The following AUTS2 variants were observed in gnomAD, a reference collection of about 807,000 sequenced individuals.
AUTS2 encodes activator of transcription and developmental regulator AUTS2.
AUTS2 carries 17 observed loss-of-function variants against 112.4 expected under a neutral mutation model. That is an observed-to-expected ratio of 0.15 (90% CI 0.10 to 0.23). The LOEUF (loss-of-function observed/expected upper bound fraction) is 0.23. Ranked by LOEUF, AUTS2 falls within the 10% of genes least tolerant of loss-of-function variation. AUTS2 has a pLI of 1.00. For synonymous variants in AUTS2, 751 were observed against 702.7 expected (o/e 1.07, Z -1.09); for missense variants, 1,510 against 1,701.6 (o/e 0.89, Z 1.98).
intron 4 of AUTS2, among the ~76,000 whole-genome samples, chr7:70,305,268 G>T (rs1409048293): frequency 6.6e-6 from 1 of 151,976 alleles, no homozygotes; most frequent in Non-Finnish European, 1.5e-5. Context: ...AGAGTGTTTT[G>T]TAGGCTGTCA....
intron 1 of AUTS2, among the ~76,000 whole-genome samples, chr7:69,665,260 G>T (rs894735471): frequency 2.6e-5 from 4 of 152,080 alleles, no homozygotes; most frequent in African/African-American, 4.8e-5. Flanking sequence ...GGGTCATGGT[G>T]CTGTATAAAT....
At chr7:70,280,906 A>G (rs1338062857) in intron 4 of AUTS2, among the ~76,000 whole-genome samples, 1 of 152,210 alleles carries the variant, frequency 6.6e-6, no homozygotes, top group East Asian at 1.9e-4. Context: ...TAACACTGAC[A>G]AAATTTGAAA....
intron 1 of AUTS2, among the ~76,000 whole-genome samples, chr7:69,822,937 C>A (rs1248258132): frequency 6.6e-6 from 1 of 152,118 alleles, no homozygotes; most frequent in Non-Finnish European, 1.5e-5. Context: ...CTGCCGAGGT[C>A]CCCATGTTTT....
intron 5 of AUTS2, among the ~76,000 whole-genome samples, chr7:70,448,221 G>A (rs1385475029): frequency 6.6e-6 from 1 of 152,114 alleles, no homozygotes; most frequent in East Asian, 1.9e-4. Flanking sequence ...TTCCAAGCTT[G>A]AAATGTTACC....
chr7:70,731,816 C>CT (rs59596576), intron 6 of AUTS2, among the ~76,000 whole-genome samples: 2 of 151,962 alleles, frequency 1.3e-5, no homozygotes, highest in African/African-American at 4.8e-5. Flanking sequence ...CCATCCCCCC[C>CT]GCACAAATAG....
At chr7:69,907,667 G>T (rs1795200475) in intron 2 of AUTS2, among the ~76,000 whole-genome samples, 1 of 152,186 alleles carries the variant, frequency 6.6e-6, no homozygotes, top group South Asian at 2.1e-4. Context: ...GTCTGCCATT[G>T]GTTGGATCCA....
intron 2 of AUTS2, among the ~76,000 whole-genome samples, chr7:69,990,341 C>A (rs1445129136): frequency 6.6e-6 from 1 of 152,090 alleles, no homozygotes; most frequent in South Asian, 2.1e-4. Flanking sequence ...CAATTTTGTT[C>A]ATTGTTACCG....
chr7:70,643,555 G>A (rs1805974515), intron 5 of AUTS2, among the ~76,000 whole-genome samples: 1 of 152,188 alleles, frequency 6.6e-6, no homozygotes. Flanking sequence ...TGGCAACAGA[G>A]CGAGACTCCG....
chr7:70,292,589 G>A (rs1788757936), intron 4 of AUTS2: 1 of 152,216 alleles, frequency 6.6e-6, no homozygotes, highest in Non-Finnish European at 1.5e-5. Context: ...CATGATTGGG[G>A]ATGGAGATTG....
intron 1 of AUTS2, among the ~76,000 whole-genome samples, chr7:69,603,494 C>CTAA (rs879464524): frequency 2.0e-5 from 3 of 152,164 alleles, no homozygotes; most frequent in South Asian, 2.1e-4. Flanking sequence ...ATGATGAAAG[C>CTAA]TTTAGGGGTA....
chr7:69,613,334 T>G (rs536832097), intron 1 of AUTS2, among the ~76,000 whole-genome samples: 2 of 152,314 alleles, frequency 1.3e-5, no homozygotes, highest in Non-Finnish European at 2.9e-5. Flanking sequence ...GTCCAGGTCT[T>G]TATTTCCTTT....
At chr7:70,285,140 T>C (rs557121591) in intron 4 of AUTS2, among the ~76,000 whole-genome samples, 2 of 152,296 alleles carry the variant, frequency 1.3e-5, no homozygotes, top group Admixed American at 1.3e-4. Flanking sequence ...GATTTCTCTA[T>C]GAGCCTCTCT....
intron 4 of AUTS2, among the ~76,000 whole-genome samples, chr7:70,214,643 G>A (rs1212251902): frequency 6.6e-6 from 1 of 152,156 alleles, no homozygotes; most frequent in Non-Finnish European, 1.5e-5. Flanking sequence ...GTGGTCTAAT[G>A]TGTAAAAATT....
chr7:69,674,054 C>G (rs778639437), intron 1 of AUTS2, among the ~76,000 whole-genome samples: 5 of 152,190 alleles, frequency 3.3e-5, no homozygotes, highest in Admixed American at 1.3e-4. Context: ...AAGTCTTGCT[C>G]CTGTTTTGCA....
At chr7:70,409,946 A>C (rs1794702701) in intron 4 of AUTS2, among the ~76,000 whole-genome samples, 1 of 152,204 alleles carries the variant, frequency 6.6e-6, no homozygotes, top group Non-Finnish European at 1.5e-5. Flanking sequence ...TGACCCACGC[A>C]CTTGAACAGT....
At chr7:70,124,608 G>A (rs911757343) in intron 3 of AUTS2, among the ~76,000 whole-genome samples, 2 of 151,806 alleles carry the variant, frequency 1.3e-5, no homozygotes, top group Non-Finnish European at 2.9e-5. Context: ...CCGTCACCAG[G>A]TTGGAATGCA....
intron 4 of AUTS2, among the ~76,000 whole-genome samples, chr7:70,377,209 T>C (rs913167049): frequency 2.0e-5 from 3 of 150,770 alleles, no homozygotes; most frequent in Admixed American, 6.6e-5. Flanking sequence ...TTATAGGACT[T>C]TTTTATTAAC....
At chr7:70,712,982 A>G (rs1277079662) in intron 6 of AUTS2, among the ~76,000 whole-genome samples, 2 of 152,172 alleles carry the variant, frequency 1.3e-5, no homozygotes, top group Non-Finnish European at 2.9e-5. Context: ...TACCATTTCC[A>G]ATCCTTCCAC....
chr7:70,076,112 G>C (rs1303542788), intron 2 of AUTS2, among the ~76,000 whole-genome samples: 2 of 152,166 alleles, frequency 1.3e-5, no homozygotes, highest in Non-Finnish European at 2.9e-5. Flanking sequence ...CCCTGCTTTA[G>C]AAGAATATCT....
Sources: gnomAD v4.1 joint callset for allele counts (sites outside exome capture counted in the v4.1 genomes callset) on GRCh38, gnomAD v4.1.1 for gene constraint, MANE v1.5 for transcripts, NCBI Gene and HGNC (gene_info 2026-07-23, HGNC 2026-07-21) for gene names.